KHDRBS3: variants seen among roughly 807,000 people sequenced by gnomAD.
KHDRBS3 encodes the protein KH RNA binding domain containing, signal transduction associated 3, also known as KH domain-containing, RNA-binding, signal transduction-associated protein 3.
Under a neutral mutation model 45.6 loss-of-function variants are expected in KHDRBS3, and 23 were observed. The observed-to-expected ratio is 0.50, with a 90% CI of 0.36 to 0.72. The LOEUF is 0.72. Ranked by LOEUF, KHDRBS3 falls within the 30% of genes least tolerant of loss-of-function variation. The pLI, the probability that KHDRBS3 is intolerant of heterozygous loss-of-function variation, is 0.00. For synonymous variants in KHDRBS3, 162 were observed against 156.5 expected (o/e 1.04, Z -0.26); for missense variants, 352 against 424.8 (o/e 0.83, Z 1.51).
chr8:135,523,247 T>G (rs1825008589), intron 2 of KHDRBS3, among the ~76,000 whole-genome samples: 1 of 152,222 alleles, frequency 6.6e-6, no homozygotes, highest in Admixed American at 6.5e-5. Flanking sequence ...TTGAGCAATT[T>G]GTGGGAGATT....
chr8:135,513,052 T>C (rs926825825), intron 1 of KHDRBS3, among the ~76,000 whole-genome samples: 1 of 151,866 alleles, frequency 6.6e-6, no homozygotes, highest in South Asian at 2.1e-4. Context: ...TACAAAAAAT[T>C]AGCTGGGCGC....
At chr8:135,494,343 A>G (rs1221753902) in intron 1 of KHDRBS3, among the ~76,000 whole-genome samples, 1 of 126,306 alleles carries the variant, frequency 7.9e-6, no homozygotes, top group Non-Finnish European at 1.5e-5. Context: ...CAGTGGCGTG[A>G]TCTCGGCTCA....
At chr8:135,636,390 C>A (rs1830814588) in intron 7 of KHDRBS3, among the ~76,000 whole-genome samples, 1 of 152,218 alleles carries the variant, frequency 6.6e-6, no homozygotes, top group Non-Finnish European at 1.5e-5. Context: ...AATTCTCATG[C>A]AGCTTCGTGC....
chr8:135,654,865 T>G (rs1357495474), intron 4 of KHDRBS3, among the ~76,000 whole-genome samples: 4 of 152,236 alleles, frequency 2.6e-5, no homozygotes, highest in African/African-American at 9.6e-5. Flanking sequence ...CCCTCTCTTC[T>G]TCTCTGGTTA....
chr8:135,554,498 G>T (rs1041257509), intron 4 of KHDRBS3, among the ~76,000 whole-genome samples: 2 of 152,100 alleles, frequency 1.3e-5, no homozygotes, highest in Admixed American at 6.6e-5. Context: ...ATACTAATAG[G>T]ATTATTTTAG....
At chr8:135,487,725 A>G (rs756212488) in intron 1 of KHDRBS3, among the ~76,000 whole-genome samples, 2 of 152,218 alleles carry the variant, frequency 1.3e-5, no homozygotes, top group Non-Finnish European at 2.9e-5. Flanking sequence ...TCGATAGTCC[A>G]TGGTGGATTT....
intron 4 of KHDRBS3, among the ~76,000 whole-genome samples, chr8:135,552,543 A>C (rs1586709019): frequency 6.6e-6 from 1 of 151,940 alleles, no homozygotes. Context: ...GTTTCTTTGC[A>C]TGTTTCTTAA....
intron 5 of KHDRBS3, among the ~76,000 whole-genome samples, chr8:135,560,149 G>T (rs998507026): frequency 2.6e-5 from 4 of 151,774 alleles, no homozygotes; most frequent in African/African-American, 9.7e-5. Context: ...TAGATAAAAA[G>T]GTATCTCTGT....
At chr8:135,591,855 C>T (rs1353866183) in intron 6 of KHDRBS3, among the ~76,000 whole-genome samples, 1 of 152,136 alleles carries the variant, frequency 6.6e-6, no homozygotes, top group African/African-American at 2.4e-5. Context: ...CGGCAAATTT[C>T]CCCAATGCAG....
chr8:135,639,632 GGGC>G (rs1156718705), intron 7 of KHDRBS3, among the ~76,000 whole-genome samples: 199 of 152,300 alleles, frequency 1.3e-3, no homozygotes, highest in African/African-American at 4.6e-3. Flanking sequence ...GAAGTACCTG[GGGC>G]TGGGTAATTT....
intron 7 of KHDRBS3, among the ~76,000 whole-genome samples, chr8:135,609,045 C>T (rs1829593129): frequency 6.6e-6 from 1 of 152,122 alleles, no homozygotes; most frequent in African/African-American, 2.4e-5. Context: ...TAGGACATTA[C>T]CGCGCACCAC....
At chr8:135,552,128 C>T (rs1826634206) in intron 4 of KHDRBS3, among the ~76,000 whole-genome samples, 1 of 151,906 alleles carries the variant, frequency 6.6e-6, no homozygotes, top group Non-Finnish European at 1.5e-5. Context: ...TATGTTTATC[C>T]TATTTGTTGG....
At chr8:135,505,301 G>A (rs181922786) in intron 1 of KHDRBS3, among the ~76,000 whole-genome samples, 2 of 152,276 alleles carry the variant, frequency 1.3e-5, no homozygotes, top group African/African-American at 2.4e-5. Context: ...CAAGTGATTT[G>A]CCAGAGGTTC....
intron 6 of KHDRBS3, among the ~76,000 whole-genome samples, chr8:135,583,293 T>G (rs1378603954): frequency 1.3e-5 from 2 of 152,216 alleles, no homozygotes; most frequent in African/African-American, 4.8e-5. Context: ...CGTAATAGTT[T>G]TACAAGTTTG....
At chr8:135,617,707 T>TA (rs1212587620) in intron 7 of KHDRBS3, among the ~76,000 whole-genome samples, 1 of 152,228 alleles carries the variant, frequency 6.6e-6, no homozygotes, top group Non-Finnish European at 1.5e-5. Flanking sequence ...AGCACTCTGC[T>TA]ATACTACCTC....
intron 5 of KHDRBS3, among the ~76,000 whole-genome samples, chr8:135,572,995 T>C (rs1320627670): frequency 6.6e-6 from 1 of 152,226 alleles, no homozygotes; most frequent in Admixed American, 6.5e-5. Flanking sequence ...ATAGGAAAGA[T>C]ACAGTTACCC....
chr8:135,501,663 C>T (rs1044274376), intron 1 of KHDRBS3, among the ~76,000 whole-genome samples: 10 of 151,812 alleles, frequency 6.6e-5, no homozygotes, highest in African/African-American at 1.9e-4. Context: ...TGTAGCTTAT[C>T]GATTTTTTTT....
chr8:135,572,271 T>C (rs186915270), intron 5 of KHDRBS3, among the ~76,000 whole-genome samples: 2 of 152,336 alleles, frequency 1.3e-5, no homozygotes, highest in Admixed American at 1.3e-4. Context: ...CTCTCTGTTA[T>C]CAGAGACTTC....
At chr8:135,625,645 T>G in intron 7 of KHDRBS3, 1 of 847,608 alleles carries the variant, frequency 1.2e-6, no homozygotes, top group Non-Finnish European at 2.0e-6. Flanking sequence ...TCAAAAAACT[T>G]CTTGAAACAC....
Sources: allele counts gnomAD v4.1 joint callset (sites outside exome capture counted in the v4.1 genomes callset), GRCh38; gene constraint gnomAD v4.1.1; transcripts MANE v1.5; gene names NCBI Gene and HGNC (gene_info 2026-07-23, HGNC 2026-07-21).